ZFAND3: variants seen among roughly 807,000 people sequenced by gnomAD.
ZFAND3 encodes zinc finger AN1-type containing 3.
Under a neutral mutation model 29.6 loss-of-function variants are expected in ZFAND3, and 10 were observed. The ratio of observed to expected loss-of-function variants is 0.34; its 90% CI spans 0.21 to 0.57. The LOEUF (loss-of-function observed/expected upper bound fraction) is 0.57, where lower values mean the gene tolerates loss of function less well. ZFAND3 is among the 20% of genes least tolerant of loss of function. The pLI is 0.86. For synonymous variants in ZFAND3, 128 were observed against 112.6 expected, an observed-to-expected ratio of 1.14 and a Z score of -0.87; for missense variants, 230 against 304.5, an observed-to-expected ratio of 0.76 and a Z score of 1.82.
chr6:37,994,292 CTT>C (rs1352658562), intron 2 of ZFAND3, among the ~76,000 whole-genome samples: 2 of 152,114 alleles, frequency 1.3e-5, no homozygotes, highest in Admixed American at 6.6e-5. Flanking sequence ...ACAAAACACT[CTT>C]TTGTTTGGTT....
intron 1 of ZFAND3, among the ~76,000 whole-genome samples, chr6:37,857,140 T>A (rs1764399253): frequency 6.6e-6 from 1 of 152,276 alleles, no homozygotes; most frequent in Admixed American, 6.5e-5. Flanking sequence ...GGTTTCACCA[T>A]GTATAGCTGT....
chr6:38,037,784 C>T (rs150970169), intron 2 of ZFAND3, among the ~76,000 whole-genome samples: 52 of 152,260 alleles, frequency 3.4e-4, no homozygotes, highest in African/African-American at 8.9e-4. Flanking sequence ...AGGTTATGCG[C>T]TGTTCTGGAG....
intron 2 of ZFAND3, among the ~76,000 whole-genome samples, chr6:38,026,727 G>A (rs1050794550): frequency 8.6e-5 from 13 of 151,878 alleles, no homozygotes; most frequent in African/African-American, 3.1e-4. Flanking sequence ...TACCACGCCC[G>A]GCCAATCCAA....
At position 37,878,862 on chromosome 6, in the gene ZFAND3, G is replaced by T. The variant is rs371842536; in HGVS notation, c.72-51097G>T. ...TATTATATAGGCACCCAATCTCCGT[G>T]TTCCTGGTGAAGTTCTTAAGAAGCT... On this transcript the variant is annotated intron_variant, in intron 1 of 5. Coordinates refer to ENST00000287218, the MANE Select transcript of ZFAND3 (RefSeq NM_021943.3). 2.8e-4 allele frequency among the ~76,000 whole-genome samples: 42 copies of T among 152,302 alleles called. No homozygotes were observed. The South Asian group carries it at 8.7e-3, about 32-fold the overall frequency.
intron 1 of ZFAND3, among the ~76,000 whole-genome samples, chr6:37,896,178 TC>T (rs1274099152): frequency 3.9e-5 from 6 of 152,324 alleles, no homozygotes; most frequent in South Asian, 2.1e-4. Flanking sequence ...AAACCTTTTT[TC>T]TTTTTCTTTT....
At chr6:38,141,562 A>G (rs1765955852) in intron 5 of ZFAND3, among the ~76,000 whole-genome samples, 1 of 152,180 alleles carries the variant, frequency 6.6e-6, no homozygotes. Context: ...ATTTTTACTT[A>G]GCTTGTCACT....
intron 2 of ZFAND3, among the ~76,000 whole-genome samples, chr6:38,047,401 C>T (rs556892088): frequency 3.9e-5 from 6 of 152,050 alleles, no homozygotes; most frequent in African/African-American, 1.4e-4. Flanking sequence ...ATCTGTGATG[C>T]TTTGCAGAAT....
intron 1 of ZFAND3, among the ~76,000 whole-genome samples, chr6:37,882,632 G>A (rs1226738289): frequency 6.6e-6 from 1 of 151,298 alleles, no homozygotes; most frequent in African/African-American, 2.4e-5. Flanking sequence ...CATTTGTTTG[G>A]TTTGGAGTGT....
At chr6:38,038,209 T>C (rs1224344503) in intron 2 of ZFAND3, among the ~76,000 whole-genome samples, 1 of 152,190 alleles carries the variant, frequency 6.6e-6, no homozygotes. Context: ...TTGAATACCC[T>C]AAAAGTAGAA....
rs978823561 is a variant in ZFAND3 at position 38,008,065 on chromosome 6, A to G, written c.113-53528A>G. Among the ~76,000 whole-genome samples the G allele has an allele frequency of 1.1e-4, 16 of 152,216 alleles. No individual in the cohort carries two copies. The East Asian group carries it at 1.3e-3, about 13-fold the overall frequency. Reference sequence around the variant, plus strand: ...CAAGATCCCCAGGTGATTCACATGCATAGCAGGTTTAAGATACTGATTTAG... The same window carrying G: ...CAAGATCCCCAGGTGATTCACATGCGTAGCAGGTTTAAGATACTGATTTAG... On this transcript the variant is annotated intron_variant, in intron 2 of 5. Coordinates refer to ENST00000287218, the MANE Select transcript of ZFAND3 (RefSeq NM_021943.3).
intron 5 of ZFAND3, among the ~76,000 whole-genome samples, chr6:38,144,231 ATTTTTT>A (rs67159019): frequency 6.8e-4 from 51 of 75,268 alleles, no homozygotes; most frequent in African/African-American, 2.1e-3. Context: ...ATATATATAT[ATTTTTT>A]TTTTAATAAG....
intron 2 of ZFAND3, among the ~76,000 whole-genome samples, chr6:37,964,914 A>T (rs71569397): frequency 6.6e-6 from 1 of 152,076 alleles, no homozygotes; most frequent in Non-Finnish European, 1.5e-5. Flanking sequence ...GAGCCCTGTG[A>T]GGATTTAGTG....
chr6:37,977,899 TC>T (rs1762516196), intron 2 of ZFAND3, among the ~76,000 whole-genome samples: 2 of 117,482 alleles, frequency 1.7e-5, no homozygotes, highest in African/African-American at 3.0e-5. Context: ...TCTCCTCTCC[TC>T]TCCTCTTCCT....
chr6:38,000,880 G>T (rs1021717893), intron 2 of ZFAND3, among the ~76,000 whole-genome samples: 1 of 152,092 alleles, frequency 6.6e-6, no homozygotes, highest in Admixed American at 6.6e-5. Flanking sequence ...ATGAGATTTG[G>T]GTGGGGACAC....
intron 2 of ZFAND3, among the ~76,000 whole-genome samples, chr6:37,993,380 G>A (rs531836345): frequency 1.3e-4 from 19 of 151,940 alleles, no homozygotes; most frequent in Admixed American, 5.9e-4. Flanking sequence ...AGGCTGGAGC[G>A]CAGTGGCGTG....
chr6:37,823,248 T>C (rs1259270289), intron 1 of ZFAND3, among the ~76,000 whole-genome samples: 2 of 152,134 alleles, frequency 1.3e-5, no homozygotes, highest in African/African-American at 4.8e-5. Context: ...GTGAAAGCCA[T>C]TCAGGAGGTA....
chr6:37,940,120 A>G (rs1426353280), intron 2 of ZFAND3, among the ~76,000 whole-genome samples: 1 of 152,160 alleles, frequency 6.6e-6, no homozygotes, highest in African/African-American at 2.4e-5. Context: ...AATACAGGCT[A>G]CTGTATCAGA....
chr6:37,832,507 T>G (rs1763880833), intron 1 of ZFAND3, among the ~76,000 whole-genome samples: 1 of 152,170 alleles, frequency 6.6e-6, no homozygotes, highest in Non-Finnish European at 1.5e-5. Context: ...AGTTCATGCT[T>G]TGGAAGTTCT....
At chr6:38,089,369 C>T (rs184315821) in intron 4 of ZFAND3, among the ~76,000 whole-genome samples, 12 of 152,136 alleles carry the variant, frequency 7.9e-5, no homozygotes, top group Non-Finnish European at 1.6e-4. Context: ...CTCAAGTGAA[C>T]CACCTGCCTC....
Sources: allele counts gnomAD v4.1 joint callset (sites outside exome capture counted in the v4.1 genomes callset), GRCh38; gene constraint gnomAD v4.1.1; transcripts MANE v1.5; gene names NCBI Gene and HGNC (gene_info 2026-07-23, HGNC 2026-07-21).